The following ZNF146 variants were observed in gnomAD, a reference collection of about 807,000 sequenced individuals.
The protein encoded by ZNF146 is zinc finger protein 146.
Under a neutral mutation model 22.2 loss-of-function variants are expected in ZNF146, and 9 were observed. The observed-to-expected ratio is 0.41, with a 90% CI of 0.24 to 0.71. ZNF146 has a LOEUF of 0.71. Among genes scored for constraint, ZNF146 ranks in the 30% least tolerant of loss-of-function variants. The pLI is 0.34. For synonymous variants in ZNF146, 108 were observed against 119.2 expected (o/e 0.91, Z 0.61); for missense variants, 194 against 344.8 (o/e 0.56, Z 3.46).
intron 2 of ZNF146, chr19:36,228,540 A>G (rs1244601587): frequency 2.6e-5 from 4 of 152,220 alleles, no homozygotes; most frequent in Admixed American, 6.5e-5. Flanking sequence ...TTTGAAGTTT[A>G]GGATTCTAAT....
In ZNF146 at chr19:36,236,543, G is replaced by A. The variant is rs1467243365; in HGVS notation, c.103G>A (p.Glu35Lys). The A allele has an allele frequency of 1.2e-6, 2 of 1,614,178 alleles. No homozygotes were observed. The highest frequency in any genetic ancestry group is 2.2e-5 in the South Asian group (2 of 91,078). ...FSHKSNLTEH[E>K]HFHTREKPFE... is the part of the protein sequence containing the mutation. ...CCACAAATCAAACCTCACTGAGCAT[G>A]AGCATTTTCACACGAGAGAGAAACC... Residue 35 changes from glutamate (E) to lysine (K), a missense_variant, in exon 4 of 4, where the codon GAG (glutamate) becomes AAG (lysine). Coordinates refer to ENST00000443387, the MANE Select transcript of ZNF146 (RefSeq NM_007145.3).
chr19:36,227,829 A>G (rs1230851369), intron 2 of ZNF146, among the ~76,000 whole-genome samples: 1 of 152,212 alleles, frequency 6.6e-6, no homozygotes, highest in Non-Finnish European at 1.5e-5. Context: ...TGTTGGGATT[A>G]TAGGTGTGAG....
intron 2 of ZNF146, among the ~76,000 whole-genome samples, chr19:36,224,110 G>A (rs543513393): frequency 4.9e-4 from 74 of 152,224 alleles, no homozygotes. Context: ...GGCTGGGCAC[G>A]GTGGCTCACG....
chr19:36,224,582 A>G (rs548538892), intron 2 of ZNF146, among the ~76,000 whole-genome samples: 50 of 152,182 alleles, frequency 3.3e-4, no homozygotes, highest in Non-Finnish European at 5.4e-4. Flanking sequence ...ACTTTGTGGT[A>G]TAGCTAGTCT....
At chr19:36,227,083 CA>C (rs758318352) in intron 2 of ZNF146, among the ~76,000 whole-genome samples, 225 of 141,152 alleles carry the variant, frequency 1.6e-3, no homozygotes, top group African/African-American at 4.6e-3. Context: ...AACTCCATCT[CA>C]AAAAAAAAAA....
intron 2 of ZNF146, among the ~76,000 whole-genome samples, chr19:36,227,710 GCGCCCAGC>G (rs1977134355): frequency 3.9e-5 from 6 of 152,212 alleles, no homozygotes; most frequent in South Asian, 4.1e-4. Context: ...GCACACCATT[GCGCCCAGC>G]TAATTTTGTA....
chr19:36,231,895 G>C (rs542053415), intron 3 of ZNF146, among the ~76,000 whole-genome samples: 1 of 144,614 alleles, frequency 6.9e-6, no homozygotes, highest in South Asian at 2.2e-4. Flanking sequence ...TTGAGACCCC[G>C]TATCTTTTTT....
intron 2 of ZNF146, among the ~76,000 whole-genome samples, chr19:36,218,570 A>G (rs995170675): frequency 1.3e-5 from 2 of 150,468 alleles, no homozygotes; most frequent in Non-Finnish European, 3.0e-5. Context: ...GGTTCATGCC[A>G]TTCTCCCGCC....
chr19:36,237,889 A>G lies in ZNF146; in HGVS notation c.*570A>G, dbSNP rs763705833. ...GAAAAATAGACCATGAACTATACAC[A>G]AAAGTGAATCCAGAGATTAAAAACA... On this transcript the variant is annotated 3_prime_UTR_variant, in exon 4 of 4. Transcript: ENST00000443387. 1.2e-5 allele frequency: 2 copies of G among 167,020 alleles called. No homozygotes were observed. The highest frequency in any genetic ancestry group is 2.9e-5 in the Non-Finnish European group (2 of 68,148). The allele number at this position is 167,020 out of a possible 1,614,324, so 10.3% of individuals were successfully genotyped here. A position where few individuals can be genotyped will look rare whatever the true frequency, so the allele number is the denominator to read the frequency against.
intron 2 of ZNF146, among the ~76,000 whole-genome samples, chr19:36,221,054 T>C (rs915350865): frequency 1.6e-4 from 24 of 151,606 alleles, no homozygotes. Context: ...CGTTTCACCA[T>C]GTTGGCCAGG....
intron 2 of ZNF146, among the ~76,000 whole-genome samples, chr19:36,220,563 A>G (rs1976792896): frequency 6.6e-6 from 1 of 151,962 alleles, no homozygotes; most frequent in African/African-American, 2.4e-5. Flanking sequence ...ATGGGGTTTC[A>G]CCGTGTTAGC....
intron 2 of ZNF146, among the ~76,000 whole-genome samples, chr19:36,225,752 CTTTTTTT>C (rs67760026): frequency 3.1e-4 from 21 of 66,724 alleles, no homozygotes; most frequent in Admixed American, 7.5e-4. Context: ...CTTTGTGATT[CTTTTTTT>C]TTTTTTTTTT....
intron 3 of ZNF146, among the ~76,000 whole-genome samples, chr19:36,233,371 C>A (rs370913389): frequency 6.6e-6 from 1 of 152,110 alleles, no homozygotes; most frequent in East Asian, 1.9e-4. Context: ...GTGGGTTTCC[C>A]CTCCACAGCT....
At chr19:36,217,093 C>G (rs927182765) in intron 1 of ZNF146, among the ~76,000 whole-genome samples, 1 of 114,554 alleles carries the variant, frequency 8.7e-6, no homozygotes, top group African/African-American at 3.3e-5. Flanking sequence ...GATGGAGTCT[C>G]TCTCTCTTGC....
In ZNF146 at chr19:36,236,119, T is replaced by C. The variant is rs567440846; in HGVS notation, c.-322T>C. On this transcript the variant is annotated 5_prime_UTR_variant, in exon 4 of 4. Coordinates refer to ENST00000443387, the MANE Select transcript of ZNF146 (RefSeq NM_007145.3). ...GTCATGCTGAAGAGAAACCCTGTGC[T>C]TCTAAGGAGTATTGACAAGCCCTTA... 9 of 253,914 alleles carry C rather than the reference T, an allele frequency of 3.5e-5. No individual in the cohort carries two copies. Among genetic ancestry groups the C allele is most frequent in the African/African-American group, 1.8e-4 (8 of 44,384 alleles). The allele number at this position is 253,914 out of a possible 1,614,324, so 15.7% of individuals were successfully genotyped here.
chr19:36,216,008 G>A (rs182862232), intron 1 of ZNF146, among the ~76,000 whole-genome samples: 2 of 152,122 alleles, frequency 1.3e-5, no homozygotes, highest in Admixed American at 6.5e-5. Flanking sequence ...TGCTACTGAC[G>A]TCTCCAAAGA....
At chr19:36,220,360 TAATTTAA>T (rs57850429) in intron 2 of ZNF146, among the ~76,000 whole-genome samples, 13,291 of 142,498 alleles carry the variant, frequency 0.093, 1,344 homozygotes, top group Non-Finnish European at 0.14. Context: ...TTCTTTTTTT[TAATTTAA>T]TTTTATTTTA....
At chr19:36,235,285 C>G (rs555577376) in intron 3 of ZNF146, among the ~76,000 whole-genome samples, 22 of 151,252 alleles carry the variant, frequency 1.5e-4, no homozygotes, top group African/African-American at 5.3e-4. Context: ...TAATTTTCAT[C>G]TTTTTCTTCT....
In ZNF146 at chr19:36,228,753, A is replaced by G. The variant is rs1977191116; in HGVS notation, c.-849A>G. On this transcript the variant is annotated 5_prime_UTR_variant, in exon 3 of 4. In the 5' UTR this introduces an upstream ATG that the reference lacks. Transcript: ENST00000443387. ...CTGTGTCATTTTCCCAATAGTTAAT[A>G]TGATCCTCTGTTGAAGCAAGAAGAC... 1 of 152,272 alleles carries G rather than the reference A, an allele frequency of 6.6e-6. No individual in the cohort carries two copies. Among genetic ancestry groups the G allele is most frequent in the Non-Finnish European group, 1.5e-5 (1 of 68,080 alleles). The allele number at this position is 152,272 out of a possible 1,614,324, so 9.4% of individuals were successfully genotyped here.
Sources: gnomAD v4.1 joint callset for allele counts (sites outside exome capture counted in the v4.1 genomes callset) on GRCh38, gnomAD v4.1.1 for gene constraint, MANE v1.5 for transcripts, NCBI Gene and HGNC (gene_info 2026-07-23, HGNC 2026-07-21) for gene names.